MSI1: variants seen among roughly 807,000 people sequenced by gnomAD.
MSI1 encodes musashi RNA binding protein 1.
MSI1 carries 15 observed loss-of-function variants against 54.4 expected under a neutral mutation model. That is an observed-to-expected ratio of 0.28 (90% confidence interval 0.18 to 0.42). The LOEUF (loss-of-function observed/expected upper bound fraction) is 0.42, where lower values mean the gene tolerates loss of function less well. Among genes scored for constraint, MSI1 ranks in the 20% least tolerant of loss-of-function variants. The pLI, the probability that MSI1 is intolerant of heterozygous loss-of-function variation, is 1.00. For synonymous variants in MSI1, 200 were observed against 196.5 expected (o/e 1.02, Z -0.15); for missense variants, 304 against 506.0 (o/e 0.60, Z 3.83).
chr12:120,349,728 G>C (rs1488090716), intron 11 of MSI1, among the ~76,000 whole-genome samples: 1 of 152,220 alleles, frequency 6.6e-6, no homozygotes, highest in African/African-American at 2.4e-5. Context: ...GATCCTAGGT[G>C]CCCAAGCACT....
At chr12:120,360,959 G>C (rs1875583059) in intron 6 of MSI1, among the ~76,000 whole-genome samples, 1 of 152,068 alleles carries the variant, frequency 6.6e-6, no homozygotes, top group South Asian at 2.1e-4. Flanking sequence ...CTGGCTATGA[G>C]AGGATTTAGT....
intron 9 of MSI1, among the ~76,000 whole-genome samples, chr12:120,356,535 A>G (rs937899110): frequency 5.3e-5 from 8 of 152,220 alleles, no homozygotes; most frequent in Non-Finnish European, 8.8e-5. Flanking sequence ...AAAGAAAGTC[A>G]TTGTTGCAGT....
intron 4 of MSI1, among the ~76,000 whole-genome samples, chr12:120,365,283 C>T (rs1875947037): frequency 6.6e-6 from 1 of 152,112 alleles, no homozygotes; most frequent in Admixed American, 6.6e-5. Flanking sequence ...AGCTGTGAGA[C>T]CATGGACAAG....
intron 6 of MSI1, among the ~76,000 whole-genome samples, chr12:120,361,230 T>G (rs1374916712): frequency 2.0e-5 from 3 of 151,510 alleles, no homozygotes; most frequent in Non-Finnish European, 4.4e-5. Flanking sequence ...AATGAATGAA[T>G]GAATGAATGA....
In MSI1 at chr12:120,351,511, A is replaced by T; in HGVS notation, c.734-111T>A. 3 of 931,676 alleles carry T rather than the reference A, an allele frequency of 3.2e-6. No individual in the cohort carries two copies. In the South Asian group the frequency reaches 4.7e-5, roughly 15 times the overall value. 57.7% of individuals were successfully genotyped at this position (931,676 alleles called of 1,614,324 possible). A position where few individuals can be genotyped will look rare whatever the true frequency, so the allele number is the denominator to read the frequency against. The stretch of plus-strand genomic sequence containing the variant: ...CACTGGGTGAGGAGACAGGCCATGC[A>T]CAGGACCCAAGAGCTGGGGAGGGGG... On this transcript the variant is annotated intron_variant, in intron 10 of 14. Coordinates refer to ENST00000257552, the MANE Select transcript of MSI1 (RefSeq NM_002442.4).
At chr12:120,339,805 G>T (rs1462255551), downstream of MSI1, among the ~76,000 whole-genome samples, 1 of 150,948 alleles carries the variant, frequency 6.6e-6, no homozygotes, top group Non-Finnish European at 1.5e-5. Context: ...TTGAGACAGG[G>T]TCTTGCTCTG....
chr12:120,348,488 A>T (rs1246632138), intron 11 of MSI1, among the ~76,000 whole-genome samples: 2 of 151,884 alleles, frequency 1.3e-5, no homozygotes, highest in Non-Finnish European at 2.9e-5. Flanking sequence ...CTTGTCCCCA[A>T]CCATAACGCC....
chr12:120,340,024 C>T (rs1007179661), downstream of MSI1, among the ~76,000 whole-genome samples: 9 of 152,008 alleles, frequency 5.9e-5, no homozygotes, highest in Admixed American at 1.3e-4. Flanking sequence ...TCAAGGGATC[C>T]GCCTTCCTCA....
At chr12:120,351,481 AG>A (rs984528743) in intron 10 of MSI1, 81 bp from the exon 11 acceptor site, 61 of 1,279,708 alleles carry the variant, frequency 4.8e-5, no homozygotes, top group Non-Finnish European at 6.2e-5. Flanking sequence ...ATGCACCCAC[AG>A]GGACACTGGG....
chr12:120,346,850 C>G (rs1415137619), intron 12 of MSI1, among the ~76,000 whole-genome samples: 1 of 152,232 alleles, frequency 6.6e-6, no homozygotes, highest in African/African-American at 2.4e-5. Flanking sequence ...CTGGACTCCC[C>G]CTAGTGCAGC....
At chr12:120,345,539 C>T in intron 14 of MSI1, 31 bp downstream of exon 14, 1 of 1,605,622 alleles carries the variant, frequency 6.2e-7, no homozygotes, top group Non-Finnish European at 8.5e-7. Context: ...CCCAGTGCCA[C>T]CCCACCACCT....
chr12:120,367,942 TC>T, intron 4 of MSI1, 65 bp downstream of exon 4: 2 of 1,482,852 alleles, frequency 1.3e-6, no homozygotes, highest in Non-Finnish European at 1.8e-6. Context: ...CTGGGGAGAG[TC>T]CTGACCCTCT....
chr12:120,363,505 T>C (rs932322800), intron 5 of MSI1, among the ~76,000 whole-genome samples: 3 of 150,980 alleles, frequency 2.0e-5, no homozygotes, highest in South Asian at 4.2e-4. Flanking sequence ...CATCACAGAG[T>C]CTCCCTGAAC....
Position 120,357,806 on chromosome 12 carries a change from C to A in MSI1, c.534+10G>T. 3.1e-6 allele frequency: 5 copies of A among 1,613,810 alleles called. No individual in the cohort carries two copies. Among genetic ancestry groups the A allele is most frequent in the Admixed American group, 1.7e-5 (1 of 60,020 alleles). ...ACAGGCGTGAGCCACTGCGCCCGGACCCAACTCACCATTTTGTTGTTGATT... is the reference window on the plus strand; with the variant it reads ...ACAGGCGTGAGCCACTGCGCCCGGAACCAACTCACCATTTTGTTGTTGATT... On this transcript the variant is annotated intron_variant, in intron 8 of 14. Coordinates refer to ENST00000257552, the MANE Select transcript of MSI1 (RefSeq NM_002442.4).
chr12:120,339,687 A>AC (rs1229204436), downstream of MSI1, among the ~76,000 whole-genome samples: 1 of 151,418 alleles, frequency 6.6e-6, no homozygotes, highest in Non-Finnish European at 1.5e-5. Context: ...TGAGTGAAAG[A>AC]CCCCCAACCT....
chr12:120,361,654 C>T (rs1163543061), intron 6 of MSI1: 5 of 151,556 alleles, frequency 3.3e-5, no homozygotes, highest in East Asian at 2.0e-4. Context: ...GTTCGGCGGC[C>T]GCTAAGCCTG....
At chr12:120,347,731 CA>C (rs1248396282) in intron 11 of MSI1, among the ~76,000 whole-genome samples, 4 of 152,194 alleles carry the variant, frequency 2.6e-5, no homozygotes, top group Non-Finnish European at 1.5e-5. Flanking sequence ...GACAGCTTCC[CA>C]GTGAGTAGCT....
chr12:120,368,269 C>A lies in MSI1; in HGVS notation c.105G>T (p.Gly35=). ...GGLSWQTTQE[G]LREYFGQFGE... ...CGAACTGGCCGAAGTATTCGCGCAGCCCTTCTGTAACCACACACCCGCCTT... is the reference window on the plus strand; with the variant it reads ...CGAACTGGCCGAAGTATTCGCGCAGACCTTCTGTAACCACACACCCGCCTT... The change falls in exon 3 of 15, where the codon GGG becomes GGT. Residue 35 remains glycine (G), a synonymous_variant. Coordinates refer to ENST00000257552, the MANE Select transcript of MSI1 (RefSeq NM_002442.4). This position sits in a 1 kb window ranked among gnomAD's most constrained non-coding sequence, Gnocchi z 6.6. The A allele has an allele frequency of 6.4e-7, 1 of 1,571,284 alleles. No individual in the cohort carries two copies. The highest frequency in any genetic ancestry group is 8.6e-7 in the Non-Finnish European group (1 of 1,157,338).
At chr12:120,355,030 CAAAAAAAAAA>C (rs71076610) in intron 9 of MSI1, among the ~76,000 whole-genome samples, 12 of 44,116 alleles carry the variant, frequency 2.7e-4, no homozygotes, top group Non-Finnish European at 3.8e-4. Flanking sequence ...CCGTCTCTAC[CAAAAAAAAAA>C]AAAAAAAAAA....
Sources: allele counts gnomAD v4.1 joint callset (sites outside exome capture counted in the v4.1 genomes callset), GRCh38; gene constraint gnomAD v4.1.1; non-coding constraint Gnocchi (gnomAD v3.1); transcripts MANE v1.5; gene names NCBI Gene and HGNC (gene_info 2026-07-23, HGNC 2026-07-21).